The following PALD1 variants were observed in gnomAD, a reference collection of about 807,000 sequenced individuals.
PALD1 encodes paladin.
Under a neutral mutation model 96.0 loss-of-function variants are expected in PALD1, and 57 were observed. The ratio of observed to expected loss-of-function variants is 0.59; its 90% CI spans 0.48 to 0.74. PALD1 has a LOEUF of 0.74. Among genes scored for constraint, PALD1 ranks in the 30% least tolerant of loss-of-function variants. The pLI is 0.00. For synonymous variants in PALD1, 464 were observed against 473.6 expected, an observed-to-expected ratio of 0.98 and a Z score of 0.26; for missense variants, 1,063 against 1,143.7, an observed-to-expected ratio of 0.93 and a Z score of 1.02.
chr10:70,533,936 G>C lies in PALD1; in HGVS notation c.885G>C (p.Leu295=). 1.2e-6 allele frequency: 2 copies of C among 1,601,524 alleles called. No individual in the cohort carries two copies. Among genetic ancestry groups the C allele is most frequent in the Non-Finnish European group, 1.7e-6 (2 of 1,172,906 alleles). ...FVSVLRETPS[L]LQLRDAHGPP... is the part of the protein sequence containing the mutation. ...GTCTTTCCCAGGAGACCCCCAGCCT[G>C]CTGCAGCTCCGTGATGCCCACGGGC... is the stretch of plus-strand genomic sequence containing the variant. The change falls in exon 8 of 20, where the codon CTG becomes CTC. Residue 295 remains leucine, a synonymous_variant. Coordinates refer to ENST00000263563, the MANE Select transcript of PALD1 (RefSeq NM_014431.3).
chr10:70,535,753 C>T (rs1233407512), intron 10 of PALD1, among the ~76,000 whole-genome samples: 3 of 151,436 alleles, frequency 2.0e-5, no homozygotes, highest in Non-Finnish European at 2.9e-5. Flanking sequence ...CAGGCTGGAG[C>T]GCAGTGGTGC....
At chr10:70,486,645 C>G (rs1259802686) in intron 1 of PALD1, among the ~76,000 whole-genome samples, 2 of 152,108 alleles carry the variant, frequency 1.3e-5, no homozygotes, top group Non-Finnish European at 2.9e-5. Flanking sequence ...CCTGTAGTCC[C>G]AGCTACTCAG....
Position 70,539,861 on chromosome 10 carries a change from T to G in PALD1, c.1908+99T>G, listed in dbSNP as rs997841771. 8.4e-6 allele frequency: 9 copies of G among 1,071,310 alleles called. No individual in the cohort carries two copies. The highest frequency in any genetic ancestry group is 1.2e-5 in the Non-Finnish European group (9 of 740,562). The allele number at this position is 1,071,310 out of a possible 1,614,324, so 66.4% of individuals were successfully genotyped here. A position where few individuals can be genotyped will look rare whatever the true frequency, so the allele number is the denominator to read the frequency against. ...CTGGGAGAATGAAACGACCCCAGCT[T>G]CTCTACGGGGCCCGGGAATGGTCTC... On this transcript the variant is annotated intron_variant, in intron 15 of 19. Transcript: ENST00000263563. This position sits in a 1 kb window ranked among gnomAD's most constrained non-coding sequence, Gnocchi z 4.5.
chr10:70,531,357 C>T lies in PALD1; in HGVS notation c.536C>T (p.Ser179Phe). Residue 179 changes from serine (S) to phenylalanine (F), a missense_variant, in exon 5 of 20, where the codon TCC (serine) becomes TTC (phenylalanine). By Grantham distance (155) the Ser-to-Phe change is radical (BLOSUM62 -2). Coordinates refer to ENST00000263563, the MANE Select transcript of PALD1 (RefSeq NM_014431.3). Reference sequence around the variant, plus strand: ...CTGCGTGCAGATGAGGACTTTGTGTCCTACACACCTCGAGACAAGCAGAAC... The same window carrying T: ...CTGCGTGCAGATGAGGACTTTGTGTTCTACACACCTCGAGACAAGCAGAAC... ...LFLRADEDFV[S>F]YTPRDKQNLH... 6.2e-7 allele frequency: 1 copy of T among 1,613,926 alleles called. No homozygotes were observed. The highest frequency in any genetic ancestry group is 8.5e-7 in the Non-Finnish European group (1 of 1,179,866).
intron 1 of PALD1, among the ~76,000 whole-genome samples, chr10:70,498,101 C>T (rs940847318): frequency 3.9e-5 from 6 of 152,144 alleles, no homozygotes; most frequent in Non-Finnish European, 7.3e-5. Flanking sequence ...CCTCCAGGCC[C>T]TGGCACCCAC....
chr10:70,515,446 T>C (rs72811320), intron 1 of PALD1, among the ~76,000 whole-genome samples: 20,968 of 152,276 alleles, frequency 0.14, 2,010 homozygotes, highest in East Asian at 0.46. Flanking sequence ...CCAGCCTGGC[T>C]CTGCCCTGCT....
chr10:70,529,146 T>C (rs894000532), intron 2 of PALD1, 83 bp from the exon 3 acceptor site: 3 of 604,618 alleles, frequency 5.0e-6, no homozygotes, highest in Non-Finnish European at 8.9e-6. Context: ...TTTCCTGCGG[T>C]GGGCTCTGTG....
Position 70,504,997 on chromosome 10 carries a change from G to A in PALD1, c.-29-20926G>A, listed in dbSNP as rs372389007. Reference sequence around the variant, plus strand: ...GTTGCAGTGCGAATGGCTCCGTTACGGGATTTTGTAATATCAGGCATCTGT... The same window carrying A: ...GTTGCAGTGCGAATGGCTCCGTTACAGGATTTTGTAATATCAGGCATCTGT... On this transcript the variant is annotated intron_variant, in intron 1 of 19. Transcript: ENST00000263563. Among the ~76,000 whole-genome samples the A allele has an allele frequency of 7.2e-5, 11 of 152,306 alleles. No homozygotes were observed. The East Asian group carries it at 1.9e-3, about 27-fold the overall frequency.
chr10:70,561,752 C>T (rs116305043), intron 18 of PALD1, among the ~76,000 whole-genome samples: 2,090 of 152,250 alleles, frequency 0.014, 44 homozygotes, highest in African/African-American at 0.048. Flanking sequence ...ATGAGCTCCT[C>T]CCACTCTGCC....
chr10:70,501,774 A>G (rs1846299694), intron 1 of PALD1, among the ~76,000 whole-genome samples: 1 of 149,668 alleles, frequency 6.7e-6, no homozygotes, highest in South Asian at 2.1e-4. Flanking sequence ...ACGGTTCACC[A>G]TTGATGTTTT....
rs748614281 is a variant in PALD1, at chr10:70,529,216, C to T, written c.186-13C>T. On this transcript the variant is annotated splice_polypyrimidine_tract_variant and intron_variant, in intron 2 of 19. Coordinates refer to ENST00000263563, the MANE Select transcript of PALD1 (RefSeq NM_014431.3). ...GACTCAGTTTCCATTCTGCCCCCCC[C>T]CCCCCCCCCCAGGTACAACTGCAAG... The T allele has an allele frequency of 6.3e-6, 2 of 316,438 alleles. No homozygotes were observed. The highest frequency in any genetic ancestry group is 2.7e-5 in the South Asian group (1 of 36,558). 19.6% of individuals were successfully genotyped at this position (316,438 alleles called of 1,614,324 possible).
chr10:70,487,787 C>T lies in PALD1; in HGVS notation c.-30+8728C>T, dbSNP rs112236063. ...GTGAAGTGTGCACTTTGGTGAATGT[C>T]GGTAAAAGTCCTGGGCATGCAGCCA... On this transcript the variant is annotated intron_variant, in intron 1 of 19. Coordinates refer to ENST00000263563, the MANE Select transcript of PALD1 (RefSeq NM_014431.3). Among the ~76,000 whole-genome samples, 510 of 152,256 alleles carry T rather than the reference C, an allele frequency of 3.3e-3. 1 individual carries two copies. Among genetic ancestry groups the T allele is most frequent in the African/African-American group, 0.012 (487 of 41,554 alleles).
chr10:70,546,600 G>A (rs1847369348), intron 17 of PALD1, among the ~76,000 whole-genome samples: 1 of 152,208 alleles, frequency 6.6e-6, no homozygotes, highest in South Asian at 2.1e-4. Context: ...TGGGGCTTAT[G>A]CCACAGTTTA....
rs544329369 is a variant in PALD1 at position 70,540,872 on chromosome 10, A to G, written c.1909-230A>G. On this transcript the variant is annotated intron_variant, in intron 15 of 19. Coordinates refer to ENST00000263563, the MANE Select transcript of PALD1 (RefSeq NM_014431.3). The surrounding 1 kb of genome is among the most constrained non-coding windows in gnomAD (Gnocchi z 4.2). ...AGGTGCATGCTGTGTTGGCTCACAC[A>G]TCCTGTCCAGGTGCTTGGTGTGAGG... is the stretch of plus-strand genomic sequence containing the variant. 6.6e-6 allele frequency among the ~76,000 whole-genome samples: 1 copy of G among 152,308 alleles called. No homozygotes were observed. Among genetic ancestry groups the G allele is most frequent in the Admixed American group, 6.5e-5 (1 of 15,300 alleles).
chr10:70,522,734 A>G (rs565035314), intron 1 of PALD1, among the ~76,000 whole-genome samples: 14 of 152,262 alleles, frequency 9.2e-5, no homozygotes, highest in African/African-American at 3.4e-4. Context: ...TAGGCACCCC[A>G]CCTGCACCCC....
chr10:70,519,822 GCCTC>G (rs1846694010), intron 1 of PALD1, among the ~76,000 whole-genome samples: 2 of 152,160 alleles, frequency 1.3e-5, no homozygotes, highest in South Asian at 2.1e-4. Flanking sequence ...TGATCTGCCC[GCCTC>G]AGCCTCCCGA....
At chr10:70,461,090 C>G in the PALD1 span, among the ~76,000 whole-genome samples, 1 of 152,190 alleles carries the variant, frequency 6.6e-6, no homozygotes, top group East Asian at 1.9e-4. Flanking sequence ...GCTCCAGAAC[C>G]CCGGCCTGCG....
intron 1 of PALD1, among the ~76,000 whole-genome samples, chr10:70,492,304 C>T (rs1846112098): frequency 6.6e-6 from 1 of 152,010 alleles, no homozygotes; most frequent in African/African-American, 2.4e-5. Flanking sequence ...GGTTTATCTG[C>T]GTATAACTCC....
Position 70,547,298 on chromosome 10 carries a change from G to A in PALD1, c.2122-8G>A. On this transcript the variant is annotated splice_region_variant and splice_polypyrimidine_tract_variant and intron_variant, in intron 17 of 19. Coordinates refer to ENST00000263563, the MANE Select transcript of PALD1 (RefSeq NM_014431.3). ...TTATGTCTGCTCACCCCCCTTCTCT[G>A]GCCCCAGGTAGTAATGAAGGTGGTG... 1 of 1,613,098 alleles carries A rather than the reference G, an allele frequency of 6.2e-7. No individual in the cohort carries two copies.
Sources: allele counts gnomAD v4.1 joint callset (sites outside exome capture counted in the v4.1 genomes callset), GRCh38; gene constraint gnomAD v4.1.1; non-coding constraint Gnocchi (gnomAD v3.1); transcripts MANE v1.5; gene names NCBI Gene and HGNC (gene_info 2026-07-23, HGNC 2026-07-21).